Variants in TMEM132C observed in about 807,000 individuals in gnomAD.
TMEM132C encodes the protein protein phosphatase 1, regulatory subunit 152.
TMEM132C carries 29 observed loss-of-function variants against 61.4 expected under a neutral mutation model. The observed-to-expected ratio is 0.47, with a 90% CI of 0.35 to 0.64. TMEM132C has a LOEUF of 0.64. Among genes scored for constraint, TMEM132C ranks in the 30% least tolerant of loss-of-function variants. The probability of loss-of-function intolerance (pLI) is 0.00; values close to 1 mark genes in which losing one functional copy is unlikely to be tolerated. For missense variants in TMEM132C, 1,408 were observed against 1,476.9 expected (o/e 0.95, Z 0.76); for synonymous variants, 656 against 633.1 (o/e 1.04, Z -0.54).
intron 1 of TMEM132C, among the ~76,000 whole-genome samples, chr12:128,299,295 T>A (rs1871520144): frequency 6.6e-6 from 1 of 152,222 alleles, no homozygotes; most frequent in African/African-American, 2.4e-5. Context: ...TCTTCTACAC[T>A]GAATCCATGT....
chr12:128,567,449 CA>C (rs1874740161), intron 3 of TMEM132C, among the ~76,000 whole-genome samples: 1 of 144,160 alleles, frequency 6.9e-6, no homozygotes, highest in Non-Finnish European at 1.5e-5. Context: ...CACACACACA[CA>C]CACACACACA....
intron 4 of TMEM132C, among the ~76,000 whole-genome samples, chr12:128,635,265 T>C (rs11614829): frequency 0.29 from 43,622 of 152,146 alleles, 7,043 homozygotes; most frequent in African/African-American, 0.45. Flanking sequence ...ACAGAATTCC[T>C]GCTGTGCTCA....
At chr12:128,653,733 A>G (rs73145649) in intron 4 of TMEM132C, among the ~76,000 whole-genome samples, 19,548 of 152,260 alleles carry the variant, frequency 0.13, 1,714 homozygotes, top group Non-Finnish European at 0.19. Context: ...TGCCTGGAAC[A>G]GCACCTGGTA....
chr12:128,300,914 G>A (rs530497437), intron 1 of TMEM132C, among the ~76,000 whole-genome samples: 8 of 152,262 alleles, frequency 5.3e-5, no homozygotes, highest in Admixed American at 4.6e-4. Flanking sequence ...GGTCATGTAT[G>A]CCTGTAGTCC....
chr12:128,455,591 G>A (rs1316754930), intron 2 of TMEM132C, among the ~76,000 whole-genome samples: 4 of 152,146 alleles, frequency 2.6e-5, no homozygotes, highest in Non-Finnish European at 5.9e-5. Context: ...CCATTGCTGG[G>A]GAAAGCAGAT....
rs184572765 is a variant in TMEM132C at position 128,341,036 on chromosome 12, G to T, written c.85+73549G>T. On this transcript the variant is annotated intron_variant, in intron 1 of 8. Coordinates refer to ENST00000435159, the MANE Select transcript of TMEM132C (RefSeq NM_001136103.3). Reference sequence around the variant, plus strand: ...ACTCACTGCAGCCTCCGCCTCCCAGGTTCAAATGATTCTCCTGCCTCAGCC... The same window carrying T: ...ACTCACTGCAGCCTCCGCCTCCCAGTTTCAAATGATTCTCCTGCCTCAGCC... Among the ~76,000 whole-genome samples, 125 of 151,172 alleles carry T rather than the reference G, an allele frequency of 8.3e-4. 1 individual carries two copies. The highest frequency in any genetic ancestry group is 3.0e-3 in the African/African-American group (124 of 41,138).
intron 2 of TMEM132C, among the ~76,000 whole-genome samples, chr12:128,452,487 G>A (rs146717561): frequency 0.015 from 2,344 of 151,524 alleles, 71 homozygotes; most frequent in African/African-American, 0.053. Flanking sequence ...TGGGAGGCCG[G>A]GGTGGGTGGA....
intron 3 of TMEM132C, among the ~76,000 whole-genome samples, chr12:128,561,564 G>A (rs74429391): frequency 0.019 from 2,961 of 152,280 alleles, 64 homozygotes; most frequent in Admixed American, 0.061. Context: ...CTAAGCAGTG[G>A]GCATATTAGG....
intron 2 of TMEM132C, among the ~76,000 whole-genome samples, chr12:128,516,991 G>A (rs1182454826): frequency 6.6e-6 from 1 of 151,416 alleles, no homozygotes; most frequent in East Asian, 2.0e-4. Flanking sequence ...GGAGGCTGAG[G>A]CAGGCGGATC....
At chr12:128,692,608 T>G (rs1290709538) in intron 5 of TMEM132C, among the ~76,000 whole-genome samples, 1 of 152,208 alleles carries the variant, frequency 6.6e-6, no homozygotes, top group Non-Finnish European at 1.5e-5. Context: ...GGGCACATCT[T>G]GTCTTATAAT....
chr12:128,267,300 C>T lies in TMEM132C; in HGVS notation c.-103C>T. The T allele has an allele frequency of 4.1e-6, 3 of 739,508 alleles. No homozygotes were observed. The highest frequency in any genetic ancestry group is 5.8e-5 in the South Asian group (1 of 17,254). The allele number at this position is 739,508 out of a possible 1,614,324, so 45.8% of individuals were successfully genotyped here. Reference sequence around the variant, plus strand: ...CAGAGACGCAGCGGGCCCGGCCGACCGGGCTGCGGGAGTGGCCCCGGGCAT... The same window carrying T: ...CAGAGACGCAGCGGGCCCGGCCGACTGGGCTGCGGGAGTGGCCCCGGGCAT... On this transcript the variant is annotated 5_prime_UTR_variant, in exon 1 of 9. Transcript: ENST00000435159.
At chr12:128,564,486 T>A (rs1195867234) in intron 3 of TMEM132C, among the ~76,000 whole-genome samples, 1 of 152,212 alleles carries the variant, frequency 6.6e-6, no homozygotes, top group East Asian at 1.9e-4. Context: ...AGCAGTGCTT[T>A]ATGCCCACCC....
chr12:128,527,707 A>ATGTGTC (rs1555229923), intron 2 of TMEM132C, among the ~76,000 whole-genome samples: 18 of 147,102 alleles, frequency 1.2e-4, no homozygotes, highest in African/African-American at 3.8e-4. Flanking sequence ...ATGTGCATGT[A>ATGTGTC]TGTGTGTGTG....
intron 2 of TMEM132C, among the ~76,000 whole-genome samples, chr12:128,530,559 T>C (rs1470753018): frequency 2.0e-5 from 3 of 152,254 alleles, no homozygotes; most frequent in East Asian, 3.9e-4. Flanking sequence ...TTCTCCTGCC[T>C]CAGCCTCCCG....
At chr12:128,362,337 C>T (rs1233607918) in intron 1 of TMEM132C, among the ~76,000 whole-genome samples, 1 of 152,094 alleles carries the variant, frequency 6.6e-6, no homozygotes, top group Non-Finnish European at 1.5e-5. Flanking sequence ...GTTAGAAGGT[C>T]TCTCAGTAGC....
chr12:128,435,912 A>G (rs1869572467), intron 2 of TMEM132C, among the ~76,000 whole-genome samples: 1 of 152,244 alleles, frequency 6.6e-6, no homozygotes, highest in South Asian at 2.1e-4. Flanking sequence ...ACAAGGCTAC[A>G]GTAACCAAAA....
intron 1 of TMEM132C, among the ~76,000 whole-genome samples, chr12:128,412,072 A>C (rs1313691122): frequency 6.6e-6 from 1 of 152,260 alleles, no homozygotes; most frequent in African/African-American, 2.4e-5. Flanking sequence ...CTTTAGCCTC[A>C]GGATTTATAG....
At chr12:128,356,364 C>A (rs181951080) in intron 1 of TMEM132C, among the ~76,000 whole-genome samples, 1 of 152,180 alleles carries the variant, frequency 6.6e-6, no homozygotes, top group African/African-American at 2.4e-5. Context: ...CTCTGGCACA[C>A]GAACCTAACC....
At chr12:128,319,708 C>G (rs1277332561) in intron 1 of TMEM132C, among the ~76,000 whole-genome samples, 1 of 151,978 alleles carries the variant, frequency 6.6e-6, no homozygotes, top group Non-Finnish European at 1.5e-5. Context: ...TACCTGTAGT[C>G]CCAGCTGCTC....
Sources: gnomAD v4.1 joint callset for allele counts (sites outside exome capture counted in the v4.1 genomes callset) on GRCh38, gnomAD v4.1.1 for gene constraint, MANE v1.5 for transcripts, NCBI Gene and HGNC (gene_info 2026-07-23, HGNC 2026-07-21) for gene names.